The following FSAF1 variants were observed in gnomAD, a reference collection of about 807,000 sequenced individuals.
The protein encoded by FSAF1 is 40S small subunit processome assembly factor 1, also known as uncharacterized protein C1orf131.
chr1:231,235,094 A>C, the FSAF1 span, among the ~76,000 whole-genome samples: 1 of 152,264 alleles, frequency 6.6e-6, no homozygotes, highest in Non-Finnish European at 1.5e-5. Flanking sequence ...TCACTGCTCC[A>C]TCTGCAAGGT....
the FSAF1 span, among the ~76,000 whole-genome samples, chr1:231,240,661 C>A: frequency 6.6e-6 from 1 of 152,080 alleles, no homozygotes; most frequent in East Asian, 1.9e-4. This position sits in a 1 kb window ranked among gnomAD's most constrained non-coding sequence, Gnocchi z 4.1. Flanking sequence ...ATGACACCAT[C>A]GCACCAGGGT....
chr1:231,238,198 A>T, the FSAF1 span: 2 of 152,144 alleles, frequency 1.3e-5, no homozygotes, highest in African/African-American at 2.4e-5. Flanking sequence ...AAAAAAAATT[A>T]AAAACATTTG....
At chr1:231,225,553 A>G in the FSAF1 span, 2 of 1,581,736 alleles carry the variant, frequency 1.3e-6, no homozygotes, top group Non-Finnish European at 1.7e-6. Context: ...TCATATACAT[A>G]TTAGTAGTGG....
the FSAF1 span, among the ~76,000 whole-genome samples, chr1:231,240,711 C>A: frequency 6.6e-6 from 1 of 152,038 alleles, no homozygotes; most frequent in Non-Finnish European, 1.5e-5. This position sits in a 1 kb window ranked among gnomAD's most constrained non-coding sequence, Gnocchi z 4.1. Flanking sequence ...AGGGGACTTC[C>A]CAGGGCTCAA....
At chr1:231,226,994 A>C in the FSAF1 span, 1 of 1,614,200 alleles carries the variant, frequency 6.2e-7, no homozygotes, top group Non-Finnish European at 8.5e-7. Flanking sequence ...GCATAATGGC[A>C]CGTTCCTGTT....
chr1:231,239,955 C>T, the FSAF1 span, among the ~76,000 whole-genome samples: 1 of 152,194 alleles, frequency 6.6e-6, no homozygotes, highest in African/African-American at 2.4e-5. Flanking sequence ...ATAGTCTTTT[C>T]CTCTAGATTT....
At chr1:231,239,987 C>CCT in the FSAF1 span, among the ~76,000 whole-genome samples, 2 of 152,180 alleles carry the variant, frequency 1.3e-5, no homozygotes, top group Admixed American at 1.3e-4. Flanking sequence ...AGGTCAGAGA[C>CCT]TAAGTCTTCT....
chr1:231,226,734 C>T, the FSAF1 span: 3 of 1,594,710 alleles, frequency 1.9e-6, no homozygotes, highest in Non-Finnish European at 2.6e-6. Context: ...GACCATCACA[C>T]CTACCAGTCT....
chr1:231,228,463 G>C, the FSAF1 span, among the ~76,000 whole-genome samples: 1 of 152,086 alleles, frequency 6.6e-6, no homozygotes, highest in Non-Finnish European at 1.5e-5. Flanking sequence ...GCTGGGTGTG[G>C]TGGCACACGC....
At chr1:231,226,983 A>G in the FSAF1 span, 5 of 1,614,198 alleles carry the variant, frequency 3.1e-6, no homozygotes, top group Admixed American at 1.7e-5. Flanking sequence ...CTTAGCGCCC[A>G]GCATAATGGC....
chr1:231,225,677 C>A, the FSAF1 span: 1 of 710,902 alleles, frequency 1.4e-6, no homozygotes. Context: ...AAGTTTTACC[C>A]TAAAACCCTT....
chr1:231,239,588 T>C, the FSAF1 span, among the ~76,000 whole-genome samples: 1 of 152,242 alleles, frequency 6.6e-6, no homozygotes, highest in Admixed American at 6.5e-5. Context: ...CTATTTTCTT[T>C]CACAGTTAGG....
chr1:231,227,325 T>G, the FSAF1 span, among the ~76,000 whole-genome samples: 1 of 152,102 alleles, frequency 6.6e-6, no homozygotes, highest in African/African-American at 2.4e-5. Context: ...GGAGTACAGT[T>G]AAAAAGAGGC....
At chr1:231,235,359 T>C in the FSAF1 span, among the ~76,000 whole-genome samples, 5 of 152,212 alleles carry the variant, frequency 3.3e-5, no homozygotes, top group African/African-American at 1.2e-4. Context: ...TAGCTGGGCA[T>C]GGTTGTGTGC....
At chr1:231,235,815 A>C in the FSAF1 span, among the ~76,000 whole-genome samples, 1 of 152,176 alleles carries the variant, frequency 6.6e-6, no homozygotes, top group South Asian at 2.1e-4. Flanking sequence ...AACATAAAAA[A>C]ATATATATAA....
the FSAF1 span, among the ~76,000 whole-genome samples, chr1:231,230,121 C>T: frequency 6.6e-6 from 1 of 152,064 alleles, no homozygotes; most frequent in Non-Finnish European, 1.5e-5. Context: ...TAAAGAACAA[C>T]TAACAGAAGA....
the FSAF1 span, among the ~76,000 whole-genome samples, chr1:231,230,818 AG>A: frequency 1.3e-5 from 2 of 152,306 alleles, no homozygotes; most frequent in East Asian, 3.9e-4. Flanking sequence ...CTTAATTCAC[AG>A]GGGGGTTATT....
At chr1:231,224,212 G>A in the FSAF1 span, 115 of 1,511,594 alleles carry the variant, frequency 7.6e-5, no homozygotes, top group Non-Finnish European at 7.8e-5. Context: ...ATCTAGAGTC[G>A]CACAGGGTCC....
the FSAF1 span, among the ~76,000 whole-genome samples, chr1:231,234,599 G>A: frequency 6.6e-6 from 1 of 152,098 alleles, no homozygotes; most frequent in Non-Finnish European, 1.5e-5. This position sits in a 1 kb window ranked among gnomAD's most constrained non-coding sequence, Gnocchi z 4.0. Flanking sequence ...TCACCACATA[G>A]GAGCTACAGT....
Sources: allele counts gnomAD v4.1 joint callset (sites outside exome capture counted in the v4.1 genomes callset), GRCh38; gene constraint gnomAD v4.1.1; non-coding constraint Gnocchi (gnomAD v3.1); transcripts MANE v1.5; gene names NCBI Gene and HGNC (gene_info 2026-07-23, HGNC 2026-07-21).